Variants in CTNND2 observed in about 807,000 individuals in gnomAD.
The protein encoded by CTNND2 is catenin delta 2, also known as catenin delta-2.
In CTNND2, 22 loss-of-function variants were observed where a neutral mutation model predicts 144.4. The observed-to-expected ratio is 0.15, with a 90% CI of 0.11 to 0.22. The LOEUF (loss-of-function observed/expected upper bound fraction) is 0.22. Among genes scored for constraint, CTNND2 ranks in the 10% least tolerant of loss-of-function variants. CTNND2 has a pLI of 1.00. For synonymous variants in CTNND2, 751 were observed against 695.6 expected (o/e 1.08, Z -1.25); for missense variants, 1,353 against 1,618.8 (o/e 0.84, Z 2.82).
rs778134907 is a variant in CTNND2, at chr5:11,102,970, A to ATTTTT, written c.2464-4227_2464-4223dup. On this transcript the variant is annotated intron_variant, in intron 14 of 21. Coordinates refer to ENST00000304623, the MANE Select transcript of CTNND2 (RefSeq NM_001332.4). ...GCAGGGCTTAAATTCTATTTAAAAG[A>ATTTTT]TTTTTTTTTTTTTTTTTTTTTTTTT... 5.1e-4 allele frequency among the ~76,000 whole-genome samples: 43 copies of ATTTTT among 84,090 alleles called. 5 individuals carry two copies. The highest frequency in any genetic ancestry group is 1.2e-3 in the African/African-American group (23 of 19,306). The allele number at this position is 84,090 out of a possible 152,430, so 55.2% of individuals were successfully genotyped here. A position where few individuals can be genotyped will look rare whatever the true frequency, so the allele number is the denominator to read the frequency against.
intron 3 of CTNND2, among the ~76,000 whole-genome samples, chr5:11,540,920 A>G (rs543417732): frequency 6.6e-6 from 1 of 152,318 alleles, no homozygotes; most frequent in African/African-American, 2.4e-5. Context: ...TTGAGTGAAT[A>G]TTGGCTATTA....
chr5:11,444,628 G>A (rs990687426), intron 3 of CTNND2, among the ~76,000 whole-genome samples: 2 of 152,136 alleles, frequency 1.3e-5, no homozygotes, highest in African/African-American at 4.8e-5. Flanking sequence ...CTTGAACCCA[G>A]GAGGCAGAGG....
At chr5:11,079,150 T>A (rs369105170) in intron 16 of CTNND2, among the ~76,000 whole-genome samples, 21 of 123,174 alleles carry the variant, frequency 1.7e-4, no homozygotes, top group African/African-American at 7.7e-4. Flanking sequence ...CATGTAACTA[T>A]AAAAACATTT....
intron 9 of CTNND2, among the ~76,000 whole-genome samples, chr5:11,274,284 A>G (rs554138823): frequency 4.6e-5 from 7 of 152,316 alleles, no homozygotes; most frequent in African/African-American, 1.7e-4. Flanking sequence ...TTTCTTAAAG[A>G]CTTTGGGCTT....
intron 2 of CTNND2, among the ~76,000 whole-genome samples, chr5:11,624,127 A>T (rs1451028664): frequency 6.6e-6 from 1 of 152,028 alleles, no homozygotes; most frequent in Non-Finnish European, 1.5e-5. Flanking sequence ...GTGAAAAGTT[A>T]AGGGCATGTA....
intron 3 of CTNND2, among the ~76,000 whole-genome samples, chr5:11,413,410 C>T (rs1305743668): frequency 6.6e-6 from 1 of 152,082 alleles, no homozygotes; most frequent in Non-Finnish European, 1.5e-5. Flanking sequence ...AAAATCAGAA[C>T]CATAGTTATC....
chr5:11,245,950 G>A (rs1742956098), intron 9 of CTNND2, among the ~76,000 whole-genome samples: 1 of 152,188 alleles, frequency 6.6e-6, no homozygotes, highest in Non-Finnish European at 1.5e-5. Context: ...CTAAGAGTTG[G>A]AAATGCAATT....
chr5:11,231,710 C>T (rs535181389), intron 10 of CTNND2, among the ~76,000 whole-genome samples: 122 of 152,260 alleles, frequency 8.0e-4, no homozygotes, highest in African/African-American at 8.2e-4. Context: ...ACTCATTTTC[C>T]GGGGATAAAT....
In CTNND2 at chr5:11,022,697, C is replaced by T. The variant is rs183481792; in HGVS notation, c.2999+72G>A. On this transcript the variant is annotated intron_variant, in intron 17 of 21. Coordinates refer to ENST00000304623, the MANE Select transcript of CTNND2 (RefSeq NM_001332.4). ...CAGTGACAGTCATAGTACTACCCGT[C>T]ATCAGGAGTTGAAAGGCACATTCAG... 1.2e-4 allele frequency: 135 copies of T among 1,115,070 alleles called. No homozygotes were observed. In the East Asian group the frequency reaches 3.0e-3, roughly 25 times the overall value. 69.1% of individuals were successfully genotyped at this position (1,115,070 alleles called of 1,614,324 possible).
chr5:11,175,674 C>G (rs924250599), intron 11 of CTNND2, among the ~76,000 whole-genome samples: 1 of 151,616 alleles, frequency 6.6e-6, no homozygotes, highest in African/African-American at 2.4e-5. Flanking sequence ...TTACTATGTA[C>G]TAGAGTGTTT....
intron 2 of CTNND2, among the ~76,000 whole-genome samples, chr5:11,653,070 C>T (rs1025077249): frequency 2.1e-5 from 3 of 143,594 alleles, no homozygotes; most frequent in African/African-American, 7.9e-5. Context: ...GAACAAAATT[C>T]GTGTGTGTGT....
chr5:11,230,228 GA>G (rs1442400789), intron 10 of CTNND2, among the ~76,000 whole-genome samples: 2 of 98,606 alleles, frequency 2.0e-5, no homozygotes, highest in East Asian at 7.4e-4. Flanking sequence ...GGGGAGGGGG[GA>G]GGGGGGAGGG....
intron 5 of CTNND2, among the ~76,000 whole-genome samples, chr5:11,398,909 G>T (rs558317556): frequency 2.6e-5 from 4 of 152,328 alleles, no homozygotes; most frequent in African/African-American, 7.2e-5. Flanking sequence ...CAGAGTCAAA[G>T]AACAGTGTCT....
chr5:11,193,267 CT>C (rs1273505110), intron 11 of CTNND2, among the ~76,000 whole-genome samples: 1 of 152,148 alleles, frequency 6.6e-6, no homozygotes, highest in Non-Finnish European at 1.5e-5. Context: ...GATTCTTTGA[CT>C]TTAATTCCTT....
intron 1 of CTNND2, among the ~76,000 whole-genome samples, chr5:11,799,983 C>G (rs1360996776): frequency 6.6e-6 from 1 of 152,156 alleles, no homozygotes; most frequent in Non-Finnish European, 1.5e-5. Context: ...GTTTGACATT[C>G]CAGAATTTTG....
At chr5:11,162,397 T>C (rs1758858007) in intron 11 of CTNND2, among the ~76,000 whole-genome samples, 1 of 152,220 alleles carries the variant, frequency 6.6e-6, no homozygotes, top group Admixed American at 6.5e-5. Flanking sequence ...AATATCTTTT[T>C]ATAGGCTGTT....
intron 2 of CTNND2, among the ~76,000 whole-genome samples, chr5:11,592,010 T>TA (rs1779266162): frequency 1.3e-5 from 2 of 149,748 alleles, no homozygotes; most frequent in African/African-American, 4.9e-5. Context: ...TATTTTCTCC[T>TA]ATTGGGACTT....
chr5:11,161,627 A>C (rs1758771920), intron 11 of CTNND2, among the ~76,000 whole-genome samples: 2 of 152,222 alleles, frequency 1.3e-5, no homozygotes, highest in Admixed American at 1.3e-4. Flanking sequence ...TAAATAGTAT[A>C]TTAAAAAGAA....
At chr5:11,293,333 T>C (rs1580817343) in intron 9 of CTNND2, among the ~76,000 whole-genome samples, 4 of 152,304 alleles carry the variant, frequency 2.6e-5, no homozygotes, top group Admixed American at 2.6e-4. Flanking sequence ...CTTAAGATAT[T>C]CCCTTAAGGT....
Sources: allele counts gnomAD v4.1 joint callset (sites outside exome capture counted in the v4.1 genomes callset), GRCh38; gene constraint gnomAD v4.1.1; transcripts MANE v1.5; gene names NCBI Gene and HGNC (gene_info 2026-07-23, HGNC 2026-07-21).